SEC24C: variants seen among roughly 807,000 people sequenced by gnomAD.
SEC24C encodes SEC24 homolog C, COPII component, also known as protein transport protein Sec24C.
In SEC24C, 22 loss-of-function variants were observed where a neutral mutation model predicts 117.0. The observed-to-expected ratio is 0.19, with a 90% CI of 0.13 to 0.27. The LOEUF is 0.27. Among genes scored for constraint, SEC24C ranks in the 10% least tolerant of loss-of-function variants. SEC24C has a pLI of 1.00. For missense variants in SEC24C, 1,155 were observed against 1,375.1 expected (o/e 0.84, Z 2.53); for synonymous variants, 506 against 529.4 (o/e 0.96, Z 0.61).
chr10:73,759,515 G>A, intron 3 of SEC24C, 107 bp from the exon 4 acceptor site: 1 of 779,278 alleles, frequency 1.3e-6, no homozygotes, highest in Non-Finnish European at 1.8e-6. Context: ...GGGTGTGAGA[G>A]TAAGATGTCA....
chr10:73,770,712 G>A lies in SEC24C; in HGVS notation c.3058G>A (p.Val1020Ile). ...ATAAATGAATTTTGTGTTCTAGAGT[G>A]TTCTGCCAGTTCTGGATAATCCACT... ...SFSQITSGLS[V>I]LPVLDNPLSK... Residue 1020 changes from valine (V) to isoleucine (I), a missense_variant, in exon 22 of 23, where the codon GTT (valine) becomes ATT (isoleucine). Around this residue, in one of 2 missense-constraint regions of SEC24C, gnomAD observed 759 missense variants for 992.3 expected, o/e 0.76. Coordinates refer to ENST00000345254, the MANE Select transcript of SEC24C (RefSeq NM_198597.3). The A allele has an allele frequency of 6.2e-7, 1 of 1,614,102 alleles. No individual in the cohort carries two copies. The highest frequency in any genetic ancestry group is 8.5e-7 in the Non-Finnish European group (1 of 1,179,986).
intron 8 of SEC24C, among the ~76,000 whole-genome samples, chr10:73,764,538 A>AAAC (rs1277974983): frequency 6.6e-6 from 1 of 151,792 alleles, no homozygotes; most frequent in Non-Finnish European, 1.5e-5. Context: ...AAAAAAAAAA[A>AAAC]AACAAGAGGT....
chr10:73,750,182 G>A (rs570711459), intron 2 of SEC24C, among the ~76,000 whole-genome samples: 59 of 152,316 alleles, frequency 3.9e-4, no homozygotes, highest in African/African-American at 1.3e-3. Context: ...TCTCTCATGA[G>A]AAAGCTTTGT....
chr10:73,757,107 T>G (rs543177805), intron 3 of SEC24C, among the ~76,000 whole-genome samples: 31 of 148,630 alleles, frequency 2.1e-4, no homozygotes, highest in African/African-American at 7.1e-4. Context: ...AGAGATGGAG[T>G]TTCACCATGT....
chr10:73,770,501 G>A, intron 21 of SEC24C, 30 bp downstream of exon 21: 1 of 1,608,986 alleles, frequency 6.2e-7, no homozygotes, highest in Non-Finnish European at 8.5e-7. Context: ...GAGAATATGG[G>A]TGTGGAAGTA....
In SEC24C at chr10:73,770,439, G is replaced by T. The variant is rs370608900; in HGVS notation, c.3022G>T (p.Val1008Phe). ...GGGTGTTGTCCAGAGCCTTTTCAGC[G>T]TCTCCTCCTTCAGTCAGATCACCAG... The part of the protein sequence containing the change: ...QQGVVQSLFS[V>F]SSFSQITSGL... The change falls in exon 21 of 23, where the codon GTC becomes TTC. Residue 1008 changes from valine (V) to phenylalanine (F), a missense_variant. Val to Phe is a conservative substitution (Grantham distance 50). Transcript: ENST00000345254. 1.2e-6 allele frequency: 2 copies of T among 1,613,952 alleles called. No homozygotes were observed. The highest frequency in any genetic ancestry group is 2.7e-5 in the African/African-American group (2 of 74,904).
At chr10:73,767,322 C>T (rs879459752) in intron 14 of SEC24C, 152 bp downstream of exon 14, 3 of 602,496 alleles carry the variant, frequency 5.0e-6, no homozygotes, top group African/African-American at 3.6e-5. Flanking sequence ...TACTTCTCTA[C>T]TCCATCTGAT....
At position 73,771,253 on chromosome 10, in the gene SEC24C, A is replaced by C; in HGVS notation, c.*158A>C. 1 of 769,256 alleles carries C rather than the reference A, an allele frequency of 1.3e-6. No individual in the cohort carries two copies. The highest frequency in any genetic ancestry group is 2.7e-5 in the East Asian group (1 of 37,184). The allele number at this position is 769,256 out of a possible 1,614,324, so 47.7% of individuals were successfully genotyped here. On this transcript the variant is annotated 3_prime_UTR_variant, in exon 23 of 23. Transcript: ENST00000345254. Reference sequence around the variant, plus strand: ...AGACACCTTCTTTCTGGGCTCAAGTATCCTGCCACTCTGTCATGTCCTGCT... The same window carrying C: ...AGACACCTTCTTTCTGGGCTCAAGTCTCCTGCCACTCTGTCATGTCCTGCT...
intron 6 of SEC24C, chr10:73,762,104 A>G (rs1167821713): frequency 2.3e-6 from 3 of 1,289,728 alleles, no homozygotes; most frequent in Non-Finnish European, 3.0e-6. Flanking sequence ...AAAGCAACTC[A>G]GTGAGCTGCC....
chr10:73,745,143 C>T (rs1056185791), intron 1 of SEC24C, among the ~76,000 whole-genome samples: 1 of 152,130 alleles, frequency 6.6e-6, no homozygotes, highest in Non-Finnish European at 1.5e-5. Flanking sequence ...TGCAGCAACT[C>T]TGAGTGCTCC....
At position 73,757,163 on chromosome 10, in the gene SEC24C, C is replaced by T. The variant is rs1164811475; in HGVS notation, c.309-2459C>T. On this transcript the variant is annotated intron_variant, in intron 3 of 22. Transcript: ENST00000345254. ...TCCTGACCTCAAATGATCCATCTGT[C>T]TCGGCCTCCCAAAGTACTGGGATTA... 4.8e-5 allele frequency among the ~76,000 whole-genome samples: 7 copies of T among 146,336 alleles called. No homozygotes were observed. The East Asian group carries it at 1.5e-3, about 31-fold the overall frequency.
Position 73,770,974 on chromosome 10 carries a change from A to G in SEC24C, c.3164A>G (p.Glu1055Gly), listed in dbSNP as rs754887564. Residue 1055 changes from glutamate to glycine, a missense_variant, in exon 23 of 23, where the codon GAA (glutamate) becomes GGA (glycine). Glu to Gly is a moderately conservative substitution (Grantham distance 98). Coordinates refer to ENST00000345254, the MANE Select transcript of SEC24C (RefSeq NM_198597.3). The stretch of plus-strand genomic sequence containing the variant: ...CCGTAGCTTACCGTGGTGAAACAGG[A>G]AGACAAGATGGAGATGCTGTTCAAG... ...RYMKLTVVKQ[E>G]DKMEMLFKHF... The G allele has an allele frequency of 6.2e-7, 1 of 1,614,194 alleles. No individual in the cohort carries two copies. The highest frequency in any genetic ancestry group is 8.5e-7 in the Non-Finnish European group (1 of 1,180,038).
At chr10:73,748,243 C>T (rs2082590439) in intron 2 of SEC24C, among the ~76,000 whole-genome samples, 1 of 151,764 alleles carries the variant, frequency 6.6e-6, no homozygotes, top group African/African-American at 2.4e-5. Context: ...TCAAGCAATT[C>T]TCCTGCCTCA....
At chr10:73,763,698 T>TTTTTTTTTTTA (rs1309320258) in intron 7 of SEC24C, 97 bp downstream of exon 7, 2 of 747,140 alleles carry the variant, frequency 2.7e-6, no homozygotes, top group Non-Finnish European at 3.9e-6. Flanking sequence ...TTTTTTTTTT[T>TTTTTTTTTTTA]TAGTTTTTAA....
chr10:73,768,171 G>A (rs1338999082), intron 15 of SEC24C, among the ~76,000 whole-genome samples, 164 bp downstream of exon 15: 1 of 152,188 alleles, frequency 6.6e-6, no homozygotes, highest in Admixed American at 6.5e-5. Flanking sequence ...ATCACCTGAG[G>A]TCAGGAGTTC....
intron 7 of SEC24C, 44 bp downstream of exon 7, chr10:73,763,645 G>GATT: frequency 2.5e-6 from 1 of 407,788 alleles, no homozygotes; most frequent in Non-Finnish European, 4.4e-6. Flanking sequence ...TTTTCTTCAA[G>GATT]ATTATCAGCT....
intron 3 of SEC24C, 70 bp from the exon 4 acceptor site, chr10:73,759,552 G>T: frequency 1.6e-6 from 2 of 1,227,014 alleles, no homozygotes. Context: ...CCTGTATGAT[G>T]TGACACTTCT....
intron 6 of SEC24C, chr10:73,762,277 C>T (rs570056412): frequency 2.9e-6 from 2 of 700,544 alleles, no homozygotes; most frequent in African/African-American, 3.7e-5. Context: ...TCCCCATTCT[C>T]TTCCTTTAGC....
Position 73,766,375 on chromosome 10 carries a change from A to G in SEC24C, c.1633A>G (p.Ile545Val). 6.2e-7 allele frequency: 1 copy of G among 1,609,656 alleles called. No homozygotes were observed. The highest frequency in any genetic ancestry group is 8.5e-7 in the Non-Finnish European group (1 of 1,177,018). ...PREGGAEESA[I>V]RVGFVTYNKV... Reference sequence around the variant, plus strand: ...GGAGGGTGGGGCAGAAGAGTCAGCAATCCGCGTTGGCTTTGTCACCTACAA... The same window carrying G: ...GGAGGGTGGGGCAGAAGAGTCAGCAGTCCGCGTTGGCTTTGTCACCTACAA... The change falls in exon 12 of 23, where the codon ATC becomes GTC. Residue 545 changes from isoleucine to valine, a missense_variant. Ile to Val is a conservative substitution (Grantham distance 29). Transcript: ENST00000345254.
Sources: gnomAD v4.1 joint callset for allele counts (sites outside exome capture counted in the v4.1 genomes callset) on GRCh38, gnomAD v4.1.1 for gene constraint, gnomAD v4.1.1 regional missense constraint, MANE v1.5 for transcripts, NCBI Gene and HGNC (gene_info 2026-07-23, HGNC 2026-07-21) for gene names.